Variants in LRP1B observed in about 807,000 individuals in gnomAD.
LRP1B encodes LDL receptor related protein 1B.
Under a neutral mutation model 556.6 loss-of-function variants are expected in LRP1B, and 217 were observed. That is an observed-to-expected ratio of 0.39 (90% CI 0.35 to 0.44). The LOEUF (loss-of-function observed/expected upper bound fraction) is 0.44. Among genes scored for constraint, LRP1B ranks in the 20% least tolerant of loss-of-function variants. LRP1B has a pLI of 1.00. For missense variants in LRP1B, 5,053 were observed against 5,620.8 expected (o/e 0.90, Z 3.23); for synonymous variants, 2,047 against 1,865.8 (o/e 1.10, Z -2.50).
intron 11 of LRP1B, among the ~76,000 whole-genome samples, chr2:141,042,602 A>C (rs1474405): frequency 0.69 from 104,317 of 151,872 alleles, 37,338 homozygotes; most frequent in Non-Finnish European, 0.77. Context: ...TGTAACTTTG[A>C]GAAAAGACTT....
intron 3 of LRP1B, among the ~76,000 whole-genome samples, chr2:141,343,906 T>C (rs1427013160): frequency 6.6e-6 from 1 of 152,198 alleles, no homozygotes; most frequent in African/African-American, 2.4e-5. Context: ...CTAGCCACCT[T>C]GACCTCACAG....
chr2:141,943,460 C>T (rs1180326814), intron 1 of LRP1B, among the ~76,000 whole-genome samples: 2 of 152,038 alleles, frequency 1.3e-5, no homozygotes, highest in African/African-American at 2.4e-5. Context: ...TTTAAGTGTT[C>T]GCTTTCTGAA....
At chr2:141,062,025 G>A (rs1470325486) in intron 8 of LRP1B, 26 bp downstream of exon 8, 1 of 1,573,096 alleles carries the variant, frequency 6.4e-7, no homozygotes, top group Admixed American at 1.7e-5. Context: ...TACCCTAGGA[G>A]CGTTGTCTAA....
chr2:140,702,090 G>C (rs777033942), intron 39 of LRP1B, 51 bp downstream of exon 39: 1 of 1,580,220 alleles, frequency 6.3e-7, no homozygotes, highest in Non-Finnish European at 8.6e-7. Flanking sequence ...TAAAGCAACT[G>C]GCACTGAAAT....
intron 25 of LRP1B, among the ~76,000 whole-genome samples, chr2:140,872,372 T>G (rs1354166849): frequency 6.9e-6 from 1 of 144,474 alleles, no homozygotes; most frequent in African/African-American, 2.6e-5. Flanking sequence ...TTTTTTTTTT[T>G]TTTTTTTTTT....
intron 1 of LRP1B, among the ~76,000 whole-genome samples, chr2:142,088,611 T>C (rs1241059924): frequency 6.6e-6 from 1 of 152,194 alleles, no homozygotes; most frequent in Non-Finnish European, 1.5e-5. Flanking sequence ...CTTTCAATAA[T>C]AATGCTTTGT....
intron 7 of LRP1B, chr2:141,167,109 G>A (rs1680301527): frequency 6.6e-6 from 1 of 151,534 alleles, no homozygotes; most frequent in African/African-American, 2.4e-5. Context: ...TTTTATTACA[G>A]TCTTAAATAT....
At chr2:140,720,990 A>G (rs1430126700) in intron 35 of LRP1B, among the ~76,000 whole-genome samples, 4 of 152,056 alleles carry the variant, frequency 2.6e-5, no homozygotes, top group Non-Finnish European at 5.9e-5. Flanking sequence ...ACATTTCACA[A>G]AGTTGCTTTT....
At chr2:141,209,829 G>C (rs921721062) in intron 6 of LRP1B, among the ~76,000 whole-genome samples, 2 of 152,156 alleles carry the variant, frequency 1.3e-5, no homozygotes, top group African/African-American at 4.8e-5. Context: ...GATGGAGGGA[G>C]GTAGACCATA....
chr2:142,054,303 A>G (rs1704578673), intron 1 of LRP1B, among the ~76,000 whole-genome samples: 1 of 152,256 alleles, frequency 6.6e-6, no homozygotes, highest in African/African-American at 2.4e-5. Context: ...TGGATAGAGT[A>G]CAAGATTTAA....
At chr2:140,641,586 G>A (rs554842555) in intron 41 of LRP1B, among the ~76,000 whole-genome samples, 12 of 152,254 alleles carry the variant, frequency 7.9e-5, no homozygotes, top group Non-Finnish European at 1.5e-4. Context: ...CCTACACTGT[G>A]TCCCGTGTTT....
At chr2:141,381,333 G>A (rs912304419) in intron 3 of LRP1B, among the ~76,000 whole-genome samples, 1 of 151,124 alleles carries the variant, frequency 6.6e-6, no homozygotes, top group Non-Finnish European at 1.5e-5. Context: ...CTTAAAGATA[G>A]GTCATCAGAA....
chr2:141,899,965 C>A (rs1476076455), intron 1 of LRP1B, among the ~76,000 whole-genome samples: 4 of 151,936 alleles, frequency 2.6e-5, no homozygotes, highest in Non-Finnish European at 4.4e-5. Flanking sequence ...CTGAGAGGTA[C>A]AAAGTGCAAC....
chr2:141,105,810 T>C (rs534723802), intron 7 of LRP1B, among the ~76,000 whole-genome samples: 1 of 152,278 alleles, frequency 6.6e-6, no homozygotes, highest in Admixed American at 6.5e-5. Context: ...TTTCAAAATG[T>C]ATTTTTTTGG....
intron 3 of LRP1B, among the ~76,000 whole-genome samples, chr2:141,297,802 G>A (rs998858680): frequency 5.3e-5 from 8 of 152,082 alleles, no homozygotes; most frequent in South Asian, 2.1e-4. Context: ...CTTTTTATAT[G>A]TCTAAATTTG....
chr2:140,568,920 A>G lies in LRP1B; in HGVS notation c.7195-26949T>C, dbSNP rs79175318. Among the ~76,000 whole-genome samples the G allele has an allele frequency of 3.5e-3, 533 of 152,222 alleles. 6 individuals carry two copies. The highest frequency in any genetic ancestry group is 0.034 in the East Asian group (175 of 5,186). The stretch of plus-strand genomic sequence containing the variant: ...CCTTTAGTAATTAAGGAGAAATCAA[A>G]TATTTCCCAGACAAGTGAAAATGAG... On this transcript the variant is annotated intron_variant, in intron 43 of 90. Coordinates refer to ENST00000389484, the MANE Select transcript of LRP1B (RefSeq NM_018557.3).
chr2:140,780,011 G>A (rs1341202377), intron 32 of LRP1B, among the ~76,000 whole-genome samples: 1 of 151,014 alleles, frequency 6.6e-6, no homozygotes, highest in Non-Finnish European at 1.5e-5. Context: ...GAGAATAGAA[G>A]ACTCTGGGAG....
chr2:141,144,610 T>C (rs1350734804), intron 7 of LRP1B, among the ~76,000 whole-genome samples: 1 of 152,154 alleles, frequency 6.6e-6, no homozygotes, highest in Non-Finnish European at 1.5e-5. Context: ...ACCATACACT[T>C]CATGACCCTT....
At chr2:141,879,939 A>C (rs967166978) in intron 1 of LRP1B, among the ~76,000 whole-genome samples, 1 of 151,340 alleles carries the variant, frequency 6.6e-6, no homozygotes, top group African/African-American at 2.4e-5. Context: ...GTTAACCTGG[A>C]CATATACATA....
Sources: allele counts gnomAD v4.1 joint callset (sites outside exome capture counted in the v4.1 genomes callset), GRCh38; gene constraint gnomAD v4.1.1; transcripts MANE v1.5; gene names NCBI Gene and HGNC (gene_info 2026-07-23, HGNC 2026-07-21).